Variants in PRRX2 observed in about 807,000 individuals in gnomAD.
PRRX2 encodes the protein paired mesoderm homeobox protein 2.
In PRRX2, 11 loss-of-function variants were observed where a neutral mutation model predicts 18.0. The observed-to-expected ratio is 0.61, with a 90% confidence interval of 0.39 to 1.01. The LOEUF (loss-of-function observed/expected upper bound fraction) is 1.01. PRRX2 is among the 50% of genes least tolerant of loss of function. The pLI is 0.01. For synonymous variants in PRRX2, 177 were observed against 154.8 expected (o/e 1.14, Z -1.06); for missense variants, 387 against 351.0 (o/e 1.10, Z -0.82).
chr9:129,666,181 C>CGGGGCG, intron 1 of PRRX2, 55 bp downstream of exon 1: 3 of 868,780 alleles, frequency 3.5e-6, no homozygotes, highest in Non-Finnish European at 4.1e-6. Flanking sequence ...GGGCCGGGGC[C>CGGGGCG]GGGGCGCGGG....
At chr9:129,721,909 T>A (rs73670195) in intron 3 of PRRX2, among the ~76,000 whole-genome samples, 13,321 of 152,168 alleles carry the variant, frequency 0.088, 829 homozygotes, top group African/African-American at 0.17. Flanking sequence ...TCCAGGTGCC[T>A]GTTCATTCTG....
intron 1 of PRRX2, among the ~76,000 whole-genome samples, chr9:129,706,795 C>T (rs1832562978): frequency 6.6e-6 from 1 of 152,096 alleles, no homozygotes; most frequent in African/African-American, 2.4e-5. Flanking sequence ...AGTTGTACAA[C>T]CATCATCACA....
At chr9:129,666,332 G>A (rs868219201) in intron 1 of PRRX2, among the ~76,000 whole-genome samples, 4 of 152,250 alleles carry the variant, frequency 2.6e-5, no homozygotes, top group African/African-American at 9.6e-5. Flanking sequence ...TCGGGTCTTG[G>A]GGTGCGTCCC....
At chr9:129,674,146 C>T (rs996027136) in intron 1 of PRRX2, among the ~76,000 whole-genome samples, 1 of 152,128 alleles carries the variant, frequency 6.6e-6, no homozygotes, top group African/African-American at 2.4e-5. Context: ...AGCACTGGGT[C>T]CCTGGTTGCT....
chr9:129,717,739 T>C (rs1421799733), intron 1 of PRRX2, among the ~76,000 whole-genome samples: 1 of 146,488 alleles, frequency 6.8e-6, no homozygotes, highest in Admixed American at 6.8e-5. Flanking sequence ...AAAGAAAATG[T>C]GGGGAGTGGG....
Position 129,720,595 on chromosome 9 carries a change from G to A in PRRX2, c.448-1G>A. On this transcript the variant is annotated splice_acceptor_variant, in intron 2 of 3. Coordinates refer to ENST00000372469, the MANE Select transcript of PRRX2 (RefSeq NM_016307.4). LOFTEE classifies it high-confidence loss of function. ...CACCCTGCTCACCCTCCCACCCACA[G>A]GTCTGGTTTCAGAACCGCCGCGCCA... 6.2e-7 allele frequency: 1 copy of A among 1,604,428 alleles called. No individual in the cohort carries two copies. Among genetic ancestry groups the A allele is most frequent in the Non-Finnish European group, 8.5e-7 (1 of 1,174,808 alleles).
intron 1 of PRRX2, among the ~76,000 whole-genome samples, chr9:129,716,007 C>T (rs1299008044): frequency 6.6e-6 from 1 of 152,130 alleles, no homozygotes; most frequent in Non-Finnish European, 1.5e-5. Context: ...GAACATGTAA[C>T]TGGGGAAACA....
At chr9:129,678,824 C>T (rs561713670) in intron 1 of PRRX2, among the ~76,000 whole-genome samples, 1 of 152,300 alleles carries the variant, frequency 6.6e-6, no homozygotes, top group South Asian at 2.1e-4. Flanking sequence ...CTCTTACGGT[C>T]ACATGGGAAG....
chr9:129,686,323 C>T (rs952779541), intron 1 of PRRX2, among the ~76,000 whole-genome samples: 4 of 152,136 alleles, frequency 2.6e-5, no homozygotes, highest in African/African-American at 7.2e-5. Flanking sequence ...CCATGAGGGG[C>T]GGGTATCTGG....
chr9:129,682,242 C>T (rs572706563), intron 1 of PRRX2, among the ~76,000 whole-genome samples: 1 of 152,234 alleles, frequency 6.6e-6, no homozygotes, highest in East Asian at 1.9e-4. Context: ...AGCACCTACT[C>T]AGAGGCGTGG....
chr9:129,682,798 C>T (rs1259990853), intron 1 of PRRX2, among the ~76,000 whole-genome samples: 1 of 152,194 alleles, frequency 6.6e-6, no homozygotes, highest in Admixed American at 6.5e-5. Flanking sequence ...AGACCCCAGA[C>T]CCGTCCCTCA....
chr9:129,670,549 A>C (rs1337182268), intron 1 of PRRX2, among the ~76,000 whole-genome samples: 1 of 151,726 alleles, frequency 6.6e-6, no homozygotes. Flanking sequence ...TAATTTTTGT[A>C]TTTTTAGTAG....
At chr9:129,701,376 G>C (rs1417354810) in intron 1 of PRRX2, among the ~76,000 whole-genome samples, 2 of 152,254 alleles carry the variant, frequency 1.3e-5, no homozygotes, top group African/African-American at 4.8e-5. Context: ...TGGGTGCCAG[G>C]TATTGTCGAG....
chr9:129,720,855 G>C, intron 3 of PRRX2, 81 bp downstream of exon 3: 10 of 1,375,266 alleles, frequency 7.3e-6, no homozygotes, highest in Admixed American at 3.0e-5. Flanking sequence ...ACTCCTCTGA[G>C]GGTCTGGAGA....
chr9:129,670,726 C>T (rs1001782273), intron 1 of PRRX2, among the ~76,000 whole-genome samples: 1 of 152,160 alleles, frequency 6.6e-6, no homozygotes, highest in African/African-American at 2.4e-5. Context: ...CGGCTAACTT[C>T]GGTTTTTAAC....
chr9:129,677,622 C>T (rs1428463465), intron 1 of PRRX2, among the ~76,000 whole-genome samples: 1 of 152,200 alleles, frequency 6.6e-6, no homozygotes. Context: ...CGGGGAGGCT[C>T]CAGGCCTTGC....
chr9:129,696,523 C>T (rs950548778), intron 1 of PRRX2, among the ~76,000 whole-genome samples: 2 of 152,130 alleles, frequency 1.3e-5, no homozygotes, highest in African/African-American at 4.8e-5. Context: ...TGCAGCGGAG[C>T]CCAGATCGCG....
intron 1 of PRRX2, among the ~76,000 whole-genome samples, chr9:129,712,457 AG>A (rs1171239468): frequency 6.6e-6 from 1 of 152,168 alleles, no homozygotes; most frequent in Non-Finnish European, 1.5e-5. Context: ...GAAAAACCAT[AG>A]GCACAGGGGA....
At chr9:129,680,789 C>T (rs1832218733) in intron 1 of PRRX2, among the ~76,000 whole-genome samples, 1 of 152,204 alleles carries the variant, frequency 6.6e-6, no homozygotes, top group South Asian at 2.1e-4. Flanking sequence ...CAGTGCTGAT[C>T]CACTGCACTG....
Sources: allele counts gnomAD v4.1 joint callset (sites outside exome capture counted in the v4.1 genomes callset), GRCh38; gene constraint gnomAD v4.1.1; transcripts MANE v1.5; gene names NCBI Gene and HGNC (gene_info 2026-07-23, HGNC 2026-07-21).